Variants in FOXN4 observed in about 807,000 individuals in gnomAD.
FOXN4 encodes forkhead box N4.
In FOXN4, 12 loss-of-function variants were observed where a neutral mutation model predicts 45.0. The ratio of observed to expected loss-of-function variants is 0.27; its 90% CI spans 0.17 to 0.43. FOXN4 has a LOEUF of 0.43. Among genes scored for constraint, FOXN4 ranks in the 20% least tolerant of loss-of-function variants. The pLI is 1.00. For missense variants in FOXN4, 560 were observed against 694.9 expected (o/e 0.81, Z 2.18); for synonymous variants, 297 against 295.0 (o/e 1.01, Z -0.07).
In FOXN4 at chr12:109,287,299, G is replaced by C; in HGVS notation, c.596+98C>G. On this transcript the variant is annotated intron_variant, in intron 6 of 9. Coordinates refer to ENST00000299162, the MANE Select transcript of FOXN4 (RefSeq NM_213596.3). This position sits in a 1 kb window ranked among gnomAD's most constrained non-coding sequence, Gnocchi z 4.1. Reference sequence around the variant, plus strand: ...CCCAAAACCTCCCCCTTGGAAGTCTGGGCTGCCACACTAGCTGTCTGAGAT... The same window carrying C: ...CCCAAAACCTCCCCCTTGGAAGTCTCGGCTGCCACACTAGCTGTCTGAGAT... 6.8e-7 allele frequency: 1 copy of C among 1,471,640 alleles called. No individual in the cohort carries two copies. Among genetic ancestry groups the C allele is most frequent in the Non-Finnish European group, 9.2e-7 (1 of 1,088,816 alleles). 91.2% of individuals were successfully genotyped at this position (1,471,640 alleles called of 1,614,324 possible).
At chr12:109,308,118 C>A in intron 2 of FOXN4, 118 bp downstream of exon 2, 1 of 873,856 alleles carries the variant, frequency 1.1e-6, no homozygotes, top group Non-Finnish European at 1.7e-6. Context: ...AGCTCTCCCG[C>A]AAAAATCACA....
At position 109,287,755 on chromosome 12, in the gene FOXN4, G is replaced by A. The variant is rs994566621; in HGVS notation, c.468+89C>T. 1.4e-5 allele frequency: 17 copies of A among 1,252,818 alleles called. No homozygotes were observed. The Admixed American group carries it at 4.5e-4, about 33-fold the overall frequency. 77.6% of individuals were successfully genotyped at this position (1,252,818 alleles called of 1,614,324 possible). A position where few individuals can be genotyped will look rare whatever the true frequency, so the allele number is the denominator to read the frequency against. On this transcript the variant is annotated intron_variant, in intron 5 of 9. Coordinates refer to ENST00000299162, the MANE Select transcript of FOXN4 (RefSeq NM_213596.3). This position sits in a 1 kb window ranked among gnomAD's most constrained non-coding sequence, Gnocchi z 4.1. ...AGGGAATGTTATCCCCATGTGCTGG[G>A]TGAGTAAACTGAGGCTCAGAGGGGT...
chr12:109,287,776 G>A lies in FOXN4; in HGVS notation c.468+68C>T. 2.1e-6 allele frequency: 3 copies of A among 1,416,762 alleles called. No individual in the cohort carries two copies. Among genetic ancestry groups the A allele is most frequent in the Non-Finnish European group, 2.8e-6 (3 of 1,063,712 alleles). The allele number at this position is 1,416,762 out of a possible 1,614,324, so 87.8% of individuals were successfully genotyped here. A position where few individuals can be genotyped will look rare whatever the true frequency, so the allele number is the denominator to read the frequency against. On this transcript the variant is annotated intron_variant, in intron 5 of 9. Coordinates refer to ENST00000299162, the MANE Select transcript of FOXN4 (RefSeq NM_213596.3). This position sits in a 1 kb window ranked among gnomAD's most constrained non-coding sequence, Gnocchi z 4.1. ...CTGGGTGAGTAAACTGAGGCTCAGAGGGGTCCCCGGCCAGCCCAAGGCAGG... is the reference window on the plus strand; with the variant it reads ...CTGGGTGAGTAAACTGAGGCTCAGAAGGGTCCCCGGCCAGCCCAAGGCAGG...
intron 2 of FOXN4, among the ~76,000 whole-genome samples, chr12:109,298,330 GGTTTTTTTTTTTT>G (rs1385997490): frequency 2.4e-4 from 30 of 127,356 alleles, no homozygotes; most frequent in Admixed American, 1.2e-3. Context: ...TTTTGTTTCA[GGTTTTTTTTTTTT>G]GTTTTTTTTT....
chr12:109,299,387 A>G (rs2047848275), intron 2 of FOXN4, among the ~76,000 whole-genome samples: 1 of 152,034 alleles, frequency 6.6e-6, no homozygotes, highest in African/African-American at 2.4e-5. Flanking sequence ...CACACAACAC[A>G]CATATGCACA....
Position 109,287,353 on chromosome 12 carries a change from C to T in FOXN4, c.596+44G>A. On this transcript the variant is annotated intron_variant, in intron 6 of 9. Transcript: ENST00000299162. This position sits in a 1 kb window ranked among gnomAD's most constrained non-coding sequence, Gnocchi z 4.1. ...CTGAGGGCAGCCTCATCCCTCTCTC[C>T]CGGAGCCGCCCTTGGCCCTGACCCG... is the stretch of plus-strand genomic sequence containing the variant. The T allele has an allele frequency of 6.5e-7, 1 of 1,550,214 alleles. No homozygotes were observed. The highest frequency in any genetic ancestry group is 8.7e-7 in the Non-Finnish European group (1 of 1,146,400).
Position 109,284,777 on chromosome 12 carries a change from ATTTGTGTGTG to A in FOXN4, c.901+517_901+526del, listed in dbSNP as rs1029886205. The stretch of plus-strand genomic sequence containing the variant: ...TGTGTGTGTTTGTGCATTTGTGTGC[ATTTGTGTGTG>A]TGCGCACATGCTGTGGGCTATCTGG... On this transcript the variant is annotated intron_variant, in intron 8 of 9. Coordinates refer to ENST00000299162, the MANE Select transcript of FOXN4 (RefSeq NM_213596.3). 1.2e-4 allele frequency among the ~76,000 whole-genome samples: 15 copies of A among 129,556 alleles called. 2 individuals are homozygous for A. Among genetic ancestry groups the A allele is most frequent in the African/African-American group, 4.2e-4 (14 of 33,668 alleles). The allele number at this position is 129,556 out of a possible 152,430, so 85.0% of individuals were successfully genotyped here.
Position 109,291,349 on chromosome 12 carries a change from C to CTG in FOXN4, c.87-1065_87-1064dup, listed in dbSNP as rs2047766618. Among the ~76,000 whole-genome samples the CTG allele has an allele frequency of 2.0e-5, 3 of 152,156 alleles. No homozygotes were observed. Among genetic ancestry groups the CTG allele is most frequent in the Admixed American group, 6.5e-5 (1 of 15,282 alleles). ...GAGCACACGCCCGACTCCACCACAT[C>CTG]TGCCACCCCTGTAGCCAGGGGCTTT... On this transcript the variant is annotated intron_variant, in intron 2 of 9. Coordinates refer to ENST00000299162, the MANE Select transcript of FOXN4 (RefSeq NM_213596.3). This position sits in a 1 kb window ranked among gnomAD's most constrained non-coding sequence, Gnocchi z 6.6.
chr12:109,300,986 A>T (rs2047863754), intron 2 of FOXN4, among the ~76,000 whole-genome samples: 1 of 152,254 alleles, frequency 6.6e-6, no homozygotes, highest in African/African-American at 2.4e-5. Context: ...GTCACTTGTC[A>T]GGGGACCCTG....
intron 2 of FOXN4, among the ~76,000 whole-genome samples, chr12:109,298,656 C>T (rs2047841458): frequency 6.6e-6 from 1 of 152,178 alleles, no homozygotes; most frequent in South Asian, 2.1e-4. Flanking sequence ...AGCCACCACG[C>T]CCAGCCCTTC....
intron 6 of FOXN4, 197 bp from the exon 7 acceptor site, chr12:109,286,941 T>C (rs2136921624): frequency 1.5e-6 from 2 of 1,349,772 alleles, no homozygotes; most frequent in South Asian, 1.5e-5. Flanking sequence ...TTCTCCTTGA[T>C]CTGGGCACAA....
intron 2 of FOXN4, among the ~76,000 whole-genome samples, chr12:109,296,538 A>C (rs907644578): frequency 1.1e-4 from 17 of 151,984 alleles, no homozygotes; most frequent in Middle Eastern, 3.2e-3. Context: ...TCTGAGCCCA[A>C]CTGGTGGCCC....
At chr12:109,299,435 C>T (rs1031911145) in intron 2 of FOXN4, among the ~76,000 whole-genome samples, 30 of 152,264 alleles carry the variant, frequency 2.0e-4, no homozygotes, top group South Asian at 1.4e-3. Context: ...CACATGCACA[C>T]GCCCACAGAC....
chr12:109,284,081 A>G (rs1182231280), intron 8 of FOXN4, among the ~76,000 whole-genome samples: 1 of 152,220 alleles, frequency 6.6e-6, no homozygotes, highest in Non-Finnish European at 1.5e-5. Flanking sequence ...CCTATCCATT[A>G]TATACGAAGC....
chr12:109,287,932 C>G lies in FOXN4; in HGVS notation c.380G>C (p.Gly127Ala). 1.9e-6 allele frequency: 3 copies of G among 1,548,766 alleles called. No individual in the cohort carries two copies. Among genetic ancestry groups the G allele is most frequent in the Non-Finnish European group, 2.6e-6 (3 of 1,146,784 alleles). ...RDSMSQFPVG[G>A]QPSSGLQDPP... is the part of the protein sequence containing the mutation. ...GTCCTGCAGGCCAGATGAGGGCTGG[C>G]CCCCCACGGGGAACTGGCTCATCTG... The change falls in exon 5 of 10, where the codon GGC (glycine) becomes GCC (alanine). Residue 127 changes from glycine (G) to alanine (A), a missense_variant. By Grantham distance (60) the Gly-to-Ala change is moderately conservative. Coordinates refer to ENST00000299162, the MANE Select transcript of FOXN4 (RefSeq NM_213596.3). The surrounding 1 kb of genome is among the most constrained non-coding windows in gnomAD (Gnocchi z 4.1).
At position 109,287,737 on chromosome 12, in the gene FOXN4, G is replaced by A; in HGVS notation, c.468+107C>T. The A allele has an allele frequency of 8.5e-7, 1 of 1,175,682 alleles. No homozygotes were observed. Among genetic ancestry groups the A allele is most frequent in the Non-Finnish European group, 1.2e-6 (1 of 855,716 alleles). 72.8% of individuals were successfully genotyped at this position (1,175,682 alleles called of 1,614,324 possible). A position where few individuals can be genotyped will look rare whatever the true frequency, so the allele number is the denominator to read the frequency against. On this transcript the variant is annotated intron_variant, in intron 5 of 9. Coordinates refer to ENST00000299162, the MANE Select transcript of FOXN4 (RefSeq NM_213596.3). The surrounding 1 kb of genome is among the most constrained non-coding windows in gnomAD (Gnocchi z 4.1). ...CCCATGACATGAGCATGGAGGGAATGTTATCCCCATGTGCTGGGTGAGTAA... is the reference window on the plus strand; with the variant it reads ...CCCATGACATGAGCATGGAGGGAATATTATCCCCATGTGCTGGGTGAGTAA...
At chr12:109,300,158 A>C (rs1032668339) in intron 2 of FOXN4, among the ~76,000 whole-genome samples, 3 of 152,206 alleles carry the variant, frequency 2.0e-5, no homozygotes, top group Non-Finnish European at 4.4e-5. Context: ...AAGAGTATGG[A>C]GAAGTAGACC....
rs377288454 is a variant in FOXN4 at position 109,294,216 on chromosome 12, C to T, written c.87-3930G>A. Reference sequence around the variant, plus strand: ...GAAGCCCCACCCTTGGGACTTCCAGCTATGCTCTGGGGGAAGGACAGCCCA... The same window carrying T: ...GAAGCCCCACCCTTGGGACTTCCAGTTATGCTCTGGGGGAAGGACAGCCCA... On this transcript the variant is annotated intron_variant, in intron 2 of 9. Transcript: ENST00000299162. Among the ~76,000 whole-genome samples, 105 of 152,274 alleles carry T rather than the reference C, an allele frequency of 6.9e-4. 2 individuals are homozygous for T. The highest frequency in any genetic ancestry group is 2.5e-3 in the African/African-American group (102 of 41,554).
chr12:109,285,467 A>G lies in FOXN4; in HGVS notation c.738T>C (p.Ser246=), dbSNP rs760399343. 1 of 1,614,006 alleles carries G rather than the reference A, an allele frequency of 6.2e-7. No individual in the cohort carries two copies. Among genetic ancestry groups the G allele is most frequent in the Admixed American group, 1.7e-5 (1 of 60,020 alleles). ...CCACCTTCTCGAAGCACTTGTTCAG[A>G]GACAGGTTGTGCCGCACCGAGTTCT... is the stretch of plus-strand genomic sequence containing the variant. The part of the protein sequence containing the change: ...GWKNSVRHNL[S]LNKCFEKVEN... Residue 246 remains serine (S), a synonymous_variant, in exon 8 of 10, where the codon TCT becomes TCC. Coordinates refer to ENST00000299162, the MANE Select transcript of FOXN4 (RefSeq NM_213596.3).
Sources: gnomAD v4.1 joint callset for allele counts (sites outside exome capture counted in the v4.1 genomes callset) on GRCh38, gnomAD v4.1.1 for gene constraint, Gnocchi (gnomAD v3.1) non-coding constraint, MANE v1.5 for transcripts, NCBI Gene and HGNC (gene_info 2026-07-23, HGNC 2026-07-21) for gene names.